Variants in EDA observed in about 807,000 individuals in gnomAD.
EDA encodes the protein ectodysplasin-A.
In EDA, 2 loss-of-function variants were observed where a neutral mutation model predicts 23.6. The observed-to-expected ratio is 0.08, with a 90% CI of 0.03 to 0.27. The LOEUF (loss-of-function observed/expected upper bound fraction) is 0.27. EDA is among the 10% of genes least tolerant of loss of function. The pLI is 1.00. For missense variants in EDA, 229 were observed against 324.2 expected, an observed-to-expected ratio of 0.71 and a Z score of 2.26; for synonymous variants, 131 against 132.0, an observed-to-expected ratio of 0.99 and a Z score of 0.05.
chrX:69,790,457 G>A (rs377000550), intron 1 of EDA, among the ~76,000 whole-genome samples: 2 of 111,332 alleles, frequency 1.8e-5, no homozygotes, highest in Non-Finnish European at 1.9e-5. Flanking sequence ...TCAATGGATA[G>A]CAAATTAATC....
intron 1 of EDA, among the ~76,000 whole-genome samples, chrX:69,643,366 G>C (rs1459310793): frequency 1.8e-5 from 2 of 110,597 alleles, no homozygotes; most frequent in South Asian, 3.9e-4. Context: ...TTGCTGCACA[G>C]ATCATCCCAT....
At chrX:70,033,672 A>C (rs2020229997) in intron 7 of EDA, 144 bp downstream of exon 7, 4 of 670,484 alleles carry the variant, frequency 6.0e-6, no homozygotes, top group Non-Finnish European at 9.1e-6. Context: ...CCGCACTGGG[A>C]GGGAGTTGAA....
At chrX:69,711,699 A>C (rs1300866255) in intron 1 of EDA, among the ~76,000 whole-genome samples, 1 of 111,429 alleles carries the variant, frequency 9.0e-6, no homozygotes, top group Non-Finnish European at 1.9e-5. Context: ...CAGAGATTCA[A>C]CTTCTTCCTG....
intron 2 of EDA, among the ~76,000 whole-genome samples, chrX:70,004,108 G>A (rs1334068668): frequency 1.8e-5 from 2 of 112,236 alleles, no homozygotes; most frequent in African/African-American, 6.5e-5. Context: ...GAAACTTTGA[G>A]GGACCATTAT....
chrX:69,844,952 T>C (rs2016976987), intron 1 of EDA, among the ~76,000 whole-genome samples: 1 of 111,889 alleles, frequency 8.9e-6, no homozygotes, highest in Admixed American at 9.5e-5. Flanking sequence ...GAATGTGTAG[T>C]TAAAGTCTTG....
intron 1 of EDA, chrX:69,937,511 C>A: frequency 1.1e-6 from 1 of 887,856 alleles, no homozygotes; most frequent in South Asian, 2.0e-5. Flanking sequence ...TAGAGTTGGT[C>A]AGCATTTTGA....
At chrX:69,752,393 A>G (rs1400386022) in intron 1 of EDA, among the ~76,000 whole-genome samples, 2 of 111,791 alleles carry the variant, frequency 1.8e-5, no homozygotes, top group Non-Finnish European at 1.9e-5. Flanking sequence ...TGATTTGCGT[A>G]CGTTGAACCA....
rs2147419146 is a variant in EDA at position 69,957,089 on chromosome X, T to C, written c.459T>C (p.Arg153=). Residue 153 remains arginine (R), a synonymous_variant, in exon 2 of 8, where the codon CGT becomes CGC. Transcript: ENST00000374552. ...EKPYSEEESR[R]VRRNKRSKSN... ...CATACTCTGAAGAAGAAAGTAGGCG[T>C]GTTCGCCGCAATAAAAGAAGCAAAA... is the stretch of plus-strand genomic sequence containing the variant. 2.5e-6 allele frequency: 3 copies of C among 1,211,924 alleles called. No homozygotes were observed. In the South Asian group the frequency reaches 5.3e-5, roughly 21 times the overall value.
intron 1 of EDA, among the ~76,000 whole-genome samples, chrX:69,671,180 G>T (rs1453189263): frequency 9.0e-6 from 1 of 111,678 alleles, no homozygotes; most frequent in Non-Finnish European, 1.9e-5. Context: ...AGCTTATTTA[G>T]TTGTAATCAA....
At chrX:69,661,689 C>G (rs1432584283) in intron 1 of EDA, among the ~76,000 whole-genome samples, 1 of 111,073 alleles carries the variant, frequency 9.0e-6, no homozygotes, top group Non-Finnish European at 1.9e-5. Context: ...GGGCTCTGTT[C>G]TGTTCCCTTG....
chrX:69,685,609 A>C (rs1238512230), intron 1 of EDA, among the ~76,000 whole-genome samples: 4 of 112,068 alleles, frequency 3.6e-5, no homozygotes, highest in Non-Finnish European at 7.5e-5. Flanking sequence ...CTTAAGCAAA[A>C]TATTTTAGGA....
Position 69,912,752 on chromosome X carries a change from A to G in EDA, c.397-44275A>G, listed in dbSNP as rs777077823. Among the ~76,000 whole-genome samples, 7 of 97,914 alleles carry G rather than the reference A, an allele frequency of 7.1e-5. No homozygotes were observed. The South Asian group carries it at 2.6e-3, about 36-fold the overall frequency. The allele number at this position is 97,914 out of a possible 115,157, so 85.0% of individuals were successfully genotyped here. Reference sequence around the variant, plus strand: ...AGAGCTGAGGCAGGATGGATTTAACATAATTCTTTTTCTTTTCTTTTTTTT... The same window carrying G: ...AGAGCTGAGGCAGGATGGATTTAACGTAATTCTTTTTCTTTTCTTTTTTTT... On this transcript the variant is annotated intron_variant, in intron 1 of 7. Transcript: ENST00000374552.
intron 1 of EDA, among the ~76,000 whole-genome samples, chrX:69,784,096 G>A (rs1021559406): frequency 9.9e-6 from 1 of 100,687 alleles, no homozygotes; most frequent in Non-Finnish European, 2.1e-5. Flanking sequence ...CTTCTTTTGA[G>A]AAGTGTCTGT....
intron 1 of EDA, among the ~76,000 whole-genome samples, chrX:69,897,962 G>T (rs930256171): frequency 1.8e-5 from 2 of 112,453 alleles, no homozygotes; most frequent in Non-Finnish European, 3.7e-5. Context: ...TGACTGTCCA[G>T]AAGATAGAAA....
intron 1 of EDA, among the ~76,000 whole-genome samples, chrX:69,686,533 A>G (rs754210957): frequency 1.3e-4 from 15 of 111,640 alleles, no homozygotes; most frequent in Non-Finnish European, 2.3e-4. Flanking sequence ...ATCATAATCA[A>G]TTTTAGAGAC....
At chrX:69,966,824 C>T (rs182277543) in intron 2 of EDA, among the ~76,000 whole-genome samples, 1 of 109,150 alleles carries the variant, frequency 9.2e-6, no homozygotes, top group Non-Finnish European at 1.9e-5. Flanking sequence ...TCTGAAGTAG[C>T]CATGTTCTAT....
intron 1 of EDA, among the ~76,000 whole-genome samples, chrX:69,737,105 A>C (rs777679910): frequency 2.7e-5 from 3 of 111,206 alleles, no homozygotes; most frequent in Non-Finnish European, 3.8e-5. Context: ...ACTGGAATTC[A>C]TCTTTTTACT....
chrX:69,944,389 A>C (rs958364105), intron 1 of EDA, among the ~76,000 whole-genome samples: 1 of 111,556 alleles, frequency 9.0e-6, no homozygotes, highest in African/African-American at 3.3e-5. Flanking sequence ...TCAGCAGGTG[A>C]TGGATTCTGT....
Position 69,770,177 on chromosome X carries a change from GA to G in EDA, c.396+153474del, listed in dbSNP as rs2014588066. 2.7e-5 allele frequency among the ~76,000 whole-genome samples: 3 copies of G among 111,993 alleles called. No homozygotes were observed. In the South Asian group the frequency reaches 1.1e-3, roughly 41 times the overall value. On this transcript the variant is annotated intron_variant, in intron 1 of 7. Coordinates refer to ENST00000374552, the MANE Select transcript of EDA (RefSeq NM_001399.5). The stretch of plus-strand genomic sequence containing the variant: ...TCTATTTCCAGTTTTTGGCTATAAT[GA>G]TTTGAGCTTATGTGAACATTTGTAT...
Sources: allele counts gnomAD v4.1 joint callset (sites outside exome capture counted in the v4.1 genomes callset), GRCh38; gene constraint gnomAD v4.1.1; transcripts MANE v1.5; gene names NCBI Gene and HGNC (gene_info 2026-07-23, HGNC 2026-07-21).